SEMA3C: variants seen among roughly 807,000 people sequenced by gnomAD.
SEMA3C encodes semaphorin 3C.
In SEMA3C, 47 loss-of-function variants were observed where a neutral mutation model predicts 89.4. The ratio of observed to expected loss-of-function variants is 0.53; its 90% CI spans 0.42 to 0.67. The LOEUF is 0.67. Among genes scored for constraint, SEMA3C ranks in the 30% least tolerant of loss-of-function variants. The pLI, the probability that SEMA3C is intolerant of heterozygous loss-of-function variation, is 0.00. For synonymous variants in SEMA3C, 310 were observed against 320.2 expected (o/e 0.97, Z 0.34); for missense variants, 839 against 929.1 (o/e 0.90, Z 1.26).
chr7:80,850,424 T>C (rs1162116463), intron 2 of SEMA3C, among the ~76,000 whole-genome samples: 2 of 152,136 alleles, frequency 1.3e-5, no homozygotes, highest in African/African-American at 4.8e-5. Flanking sequence ...TTTCTTACAA[T>C]GCAATAAAAA....
At chr7:80,833,813 G>A (rs922919323) in intron 2 of SEMA3C, among the ~76,000 whole-genome samples, 1 of 151,800 alleles carries the variant, frequency 6.6e-6, no homozygotes, top group African/African-American at 2.4e-5. Flanking sequence ...AAAGCAATGA[G>A]AATTTTATTT....
chr7:80,754,957 G>GTTTTTTTTGTTT (rs1788025576), intron 15 of SEMA3C, among the ~76,000 whole-genome samples: 13 of 108,388 alleles, frequency 1.2e-4, no homozygotes, highest in African/African-American at 4.6e-4. Context: ...GTTTTTTTTT[G>GTTTTTTTTGTTT]TTTTTTTTTT....
rs569588733 is a variant in SEMA3C at position 80,902,167 on chromosome 7, G to A, written c.103+14512C>T. On this transcript the variant is annotated intron_variant, in intron 2 of 17. Coordinates refer to ENST00000265361, the MANE Select transcript of SEMA3C (RefSeq NM_006379.5). Reference sequence around the variant, plus strand: ...AGGATTTTACCATGTTACCTAGGCTGGTCTTGGACTCCTGGACTCAAGCTA... The same window carrying A: ...AGGATTTTACCATGTTACCTAGGCTAGTCTTGGACTCCTGGACTCAAGCTA... Among the ~76,000 whole-genome samples, 37 of 152,260 alleles carry A rather than the reference G, an allele frequency of 2.4e-4. 1 individual carries two copies. In the South Asian group the frequency reaches 7.0e-3, roughly 29 times the overall value.
At chr7:80,897,046 G>A (rs1351315155) in intron 2 of SEMA3C, among the ~76,000 whole-genome samples, 1 of 152,168 alleles carries the variant, frequency 6.6e-6, no homozygotes, top group Non-Finnish European at 1.5e-5. Flanking sequence ...GGGGCTGTGG[G>A]ATGGGCCAGC....
At chr7:80,833,543 T>A (rs1790058428) in intron 2 of SEMA3C, among the ~76,000 whole-genome samples, 1 of 152,068 alleles carries the variant, frequency 6.6e-6, no homozygotes, top group African/African-American at 2.4e-5. Flanking sequence ...AATAGCTACA[T>A]CAACTTAAGA....
chr7:80,791,011 G>A (rs1788925628), intron 11 of SEMA3C, among the ~76,000 whole-genome samples: 1 of 152,108 alleles, frequency 6.6e-6, no homozygotes, highest in African/African-American at 2.4e-5. Flanking sequence ...ATTGTATCTG[G>A]CCTGCAATTT....
chr7:80,874,479 T>TTTATTTATTTAC (rs1791151623), intron 2 of SEMA3C, among the ~76,000 whole-genome samples: 2 of 151,776 alleles, frequency 1.3e-5, no homozygotes, highest in Admixed American at 6.6e-5. Flanking sequence ...TATTTATTTA[T>TTTATTTATTTAC]TTATGAGACG....
In SEMA3C at chr7:80,773,629, C is replaced by G. The variant is rs192612458; in HGVS notation, c.1355-8386G>C. On this transcript the variant is annotated intron_variant, in intron 12 of 17. Transcript: ENST00000265361. ...ACTTTCTGTCTGGGAACAATCTCAACAGAGGTTCAGAGAGCTTGTGTTTAA... is the reference window on the plus strand; with the variant it reads ...ACTTTCTGTCTGGGAACAATCTCAAGAGAGGTTCAGAGAGCTTGTGTTTAA... 3.7e-3 allele frequency among the ~76,000 whole-genome samples: 566 copies of G among 152,240 alleles called. 3 individuals are homozygous for G. Among genetic ancestry groups the G allele is most frequent in the African/African-American group, 0.013 (531 of 41,540 alleles).
intron 2 of SEMA3C, among the ~76,000 whole-genome samples, chr7:80,910,167 T>G (rs1348283579): frequency 6.6e-6 from 1 of 152,186 alleles, no homozygotes; most frequent in Non-Finnish European, 1.5e-5. Context: ...ACCATTAAGC[T>G]GTAGAACCTT....
intron 10 of SEMA3C, among the ~76,000 whole-genome samples, chr7:80,799,619 G>A (rs575178659): frequency 2.7e-4 from 41 of 151,918 alleles, no homozygotes; most frequent in Non-Finnish European, 4.6e-4. Flanking sequence ...CAAGTCAGGC[G>A]GATCACGAGA....
chr7:80,890,307 A>T (rs1337353376), intron 2 of SEMA3C, among the ~76,000 whole-genome samples: 1 of 152,198 alleles, frequency 6.6e-6, no homozygotes, highest in Non-Finnish European at 1.5e-5. Flanking sequence ...CCAATGCTGC[A>T]AGCATTCCCA....
At chr7:80,806,068 T>C (rs1347603300) in intron 6 of SEMA3C, among the ~76,000 whole-genome samples, 1 of 151,900 alleles carries the variant, frequency 6.6e-6, no homozygotes, top group Non-Finnish European at 1.5e-5. Flanking sequence ...TTATATAGAG[T>C]CTATCAGAAA....
chr7:80,874,576 C>A (rs995897542), intron 2 of SEMA3C, among the ~76,000 whole-genome samples: 1 of 151,872 alleles, frequency 6.6e-6, no homozygotes, highest in Non-Finnish European at 1.5e-5. Flanking sequence ...AAGCGATTCT[C>A]CTGCCTCAGC....
chr7:80,841,912 G>A (rs924136007), intron 2 of SEMA3C, among the ~76,000 whole-genome samples: 5 of 152,020 alleles, frequency 3.3e-5, no homozygotes, highest in Middle Eastern at 3.4e-3. Context: ...ACTACATTTG[G>A]CTTCAAAACA....
chr7:80,901,071 T>C (rs765554365), intron 2 of SEMA3C, among the ~76,000 whole-genome samples: 5 of 152,186 alleles, frequency 3.3e-5, no homozygotes, highest in Non-Finnish European at 7.4e-5. Flanking sequence ...GTTTTGCCTG[T>C]TGTACAGGGT....
chr7:80,797,489 T>A (rs1165186034), intron 11 of SEMA3C, among the ~76,000 whole-genome samples: 1 of 152,226 alleles, frequency 6.6e-6, no homozygotes, highest in Non-Finnish European at 1.5e-5. Flanking sequence ...ATTAGAAAGC[T>A]GCCTATAGTT....
At chr7:80,903,982 G>A (rs1322109141) in intron 2 of SEMA3C, among the ~76,000 whole-genome samples, 1 of 152,044 alleles carries the variant, frequency 6.6e-6, no homozygotes, top group African/African-American at 2.4e-5. Flanking sequence ...GGCATCTATT[G>A]CACAAACCTG....
chr7:80,884,496 GA>G (rs776175567), intron 2 of SEMA3C, among the ~76,000 whole-genome samples: 98 of 152,228 alleles, frequency 6.4e-4, no homozygotes, highest in Admixed American at 3.3e-4. Context: ...ATAAATTAAT[GA>G]AACTTTTTAC....
rs981622266 is a variant in SEMA3C at position 80,783,577 on chromosome 7, A to G, written c.1354+5729T>C. Among the ~76,000 whole-genome samples the G allele has an allele frequency of 2.6e-5, 4 of 152,326 alleles. No homozygotes were observed. The South Asian group carries it at 8.3e-4, about 32-fold the overall frequency. ...CATTCACACACAACTTCTAGCTGAC[A>G]GTCATCGTTTCTGAACTCACATGCA... On this transcript the variant is annotated intron_variant, in intron 12 of 17. Transcript: ENST00000265361.
Sources: gnomAD v4.1 joint callset for allele counts (sites outside exome capture counted in the v4.1 genomes callset) on GRCh38, gnomAD v4.1.1 for gene constraint, MANE v1.5 for transcripts, NCBI Gene and HGNC (gene_info 2026-07-23, HGNC 2026-07-21) for gene names.